Variants in ADGRA1 observed in about 807,000 individuals in gnomAD.
ADGRA1 encodes adhesion G protein-coupled receptor A1, also known as G-protein coupled receptor 123.
ADGRA1 carries 12 observed loss-of-function variants against 21.3 expected under a neutral mutation model. That is an observed-to-expected ratio of 0.56 (90% CI 0.36 to 0.91). The LOEUF is 0.91. Among genes scored for constraint, ADGRA1 ranks in the 40% least tolerant of loss-of-function variants. The pLI, the probability that ADGRA1 is intolerant of heterozygous loss-of-function variation, is 0.01. For missense variants in ADGRA1, 790 were observed against 805.6 expected (o/e 0.98, Z 0.23); for synonymous variants, 385 against 368.8 (o/e 1.04, Z -0.50).
At chr10:133,117,356 G>A (rs771128482) in intron 5 of ADGRA1, among the ~76,000 whole-genome samples, 2 of 152,182 alleles carry the variant, frequency 1.3e-5, no homozygotes, top group Non-Finnish European at 2.9e-5. Context: ...GAGTGCCCGG[G>A]GTGCCCAGCA....
At position 133,128,520 on chromosome 10, in the gene ADGRA1, G is replaced by T. The variant is rs960359661; in HGVS notation, c.692G>T (p.Arg231Leu). ...LATPEGGRGI[R>L]PGTPPAHDAP... The stretch of plus-strand genomic sequence containing the variant: ...ACACCCGAGGGCGGCCGTGGGATCC[G>T]GCCAGGCACCCCACCCGCACACGAT... The change falls in exon 7 of 7, where the codon CGG becomes CTG. Residue 231 changes from arginine (R) to leucine (L), a missense_variant. Arg to Leu is a moderately radical substitution (Grantham distance 102, BLOSUM62 -2). Transcript: ENST00000392607. 1.9e-6 allele frequency: 3 copies of T among 1,547,146 alleles called. No homozygotes were observed. Among genetic ancestry groups the T allele is most frequent in the Middle Eastern group, 1.7e-4 (1 of 5,730 alleles).
At chr10:133,097,544 G>A (rs756897550) in intron 3 of ADGRA1, among the ~76,000 whole-genome samples, 19 of 152,186 alleles carry the variant, frequency 1.2e-4, no homozygotes, top group Admixed American at 5.9e-4. Flanking sequence ...GCGGGGGTTC[G>A]GCTATGTCTG....
chr10:133,120,718 C>T (rs1157908358), intron 5 of ADGRA1, among the ~76,000 whole-genome samples: 1 of 152,248 alleles, frequency 6.6e-6, no homozygotes, highest in African/African-American at 2.4e-5. Flanking sequence ...TTAAAACTTT[C>T]TCCACATCAG....
chr10:133,107,086 A>G (rs145552030), intron 5 of ADGRA1, among the ~76,000 whole-genome samples: 1 of 152,176 alleles, frequency 6.6e-6, no homozygotes, highest in Non-Finnish European at 1.5e-5. Context: ...CAGGGATTTT[A>G]TTCTTTTGAT....
chr10:133,125,912 T>C (rs2135909672), intron 5 of ADGRA1, among the ~76,000 whole-genome samples: 1 of 152,306 alleles, frequency 6.6e-6, no homozygotes, highest in Non-Finnish European at 1.5e-5. Flanking sequence ...CCATCCCCAG[T>C]GCCCTCCACA....
chr10:133,105,321 G>A (rs973472091), intron 5 of ADGRA1, among the ~76,000 whole-genome samples: 5 of 152,158 alleles, frequency 3.3e-5, no homozygotes, highest in African/African-American at 7.2e-5. Flanking sequence ...AGTCTCAGCC[G>A]CCGTGCATGA....
intron 4 of ADGRA1, among the ~76,000 whole-genome samples, chr10:133,101,612 C>A (rs557376118): frequency 1.3e-5 from 2 of 152,352 alleles, no homozygotes; most frequent in East Asian, 3.9e-4. Context: ...AGCCCCACGG[C>A]TGCTTCCTGA....
Position 133,128,384 on chromosome 10 carries a change from A to G in ADGRA1, c.556A>G (p.Ile186Val), listed in dbSNP as rs1296315107. Residue 186 changes from isoleucine to valine, a missense_variant, in exon 7 of 7, where the codon ATC becomes GTC. Coordinates refer to ENST00000392607, the MANE Select transcript of ADGRA1 (RefSeq NM_001083909.3). ...CGCCTTCTACGGCCCAGCCGCCATC[A>G]TCACCCTGGTCACCTGTGTGTACTT... The part of the protein sequence containing the change: ...LGAFYGPAAI[I>V]TLVTCVYFLG... 3 of 1,595,688 alleles carry G rather than the reference A, an allele frequency of 1.9e-6. No individual in the cohort carries two copies. Among genetic ancestry groups the G allele is most frequent in the Non-Finnish European group, 1.7e-6 (2 of 1,172,444 alleles).
intron 6 of ADGRA1, 110 bp downstream of exon 6, chr10:133,127,441 G>A: frequency 1.2e-6 from 1 of 833,374 alleles, no homozygotes; most frequent in Non-Finnish European, 1.9e-6. Context: ...AGCAAGGCCT[G>A]GGCCTGGACC....
chr10:133,106,188 G>A (rs1851890300), intron 5 of ADGRA1, among the ~76,000 whole-genome samples: 1 of 152,222 alleles, frequency 6.6e-6, no homozygotes, highest in Non-Finnish European at 1.5e-5. Context: ...ACCAGGGCAA[G>A]AGCGGTAGGA....
intron 5 of ADGRA1, among the ~76,000 whole-genome samples, chr10:133,119,572 T>C (rs1157586372): frequency 2.0e-5 from 3 of 152,216 alleles, no homozygotes; most frequent in African/African-American, 7.2e-5. Flanking sequence ...TATGAAATAG[T>C]CTCAATCCTT....
chr10:133,123,115 C>T (rs910932286), intron 5 of ADGRA1, among the ~76,000 whole-genome samples: 1 of 152,214 alleles, frequency 6.6e-6, no homozygotes, highest in Non-Finnish European at 1.5e-5. Context: ...TCTGCAGGCT[C>T]GTCCCACCCA....
At chr10:133,092,747 GAGGGAGGAAGGAAGGAAGGAAGGA>G (rs1250661897) in intron 2 of ADGRA1, among the ~76,000 whole-genome samples, 2 of 81,522 alleles carry the variant, frequency 2.5e-5, no homozygotes, top group Non-Finnish European at 5.0e-5. Flanking sequence ...GAGAAATAGG[GAGGGAGGAAGGAAGGAAGGAAGGA>G]AGGAAGGAAG....
chr10:133,099,073 C>T (rs1403776376), intron 4 of ADGRA1, among the ~76,000 whole-genome samples: 6 of 152,044 alleles, frequency 3.9e-5, no homozygotes, highest in South Asian at 2.1e-4. Context: ...GGACACAGCC[C>T]GCCCCTCCCG....
chr10:133,126,235 C>T (rs1852372536), intron 5 of ADGRA1, among the ~76,000 whole-genome samples: 2 of 152,250 alleles, frequency 1.3e-5, no homozygotes, highest in African/African-American at 2.4e-5. Flanking sequence ...GGTCGATACA[C>T]GGAAAATGCT....
intron 5 of ADGRA1, among the ~76,000 whole-genome samples, chr10:133,116,471 C>T (rs1354924121): frequency 2.0e-5 from 3 of 150,638 alleles, no homozygotes; most frequent in East Asian, 2.0e-4. Context: ...GCTACTCCAG[C>T]TCCCTCAGTC....
At chr10:133,124,864 G>A (rs1014729688) in intron 5 of ADGRA1, among the ~76,000 whole-genome samples, 1 of 152,174 alleles carries the variant, frequency 6.6e-6, no homozygotes, top group Non-Finnish European at 1.5e-5. Context: ...CCCCGCGCCT[G>A]CACGTCCACG....
intron 3 of ADGRA1, 81 bp from the exon 4 acceptor site, chr10:133,098,559 C>T (rs946422576): frequency 9.9e-6 from 15 of 1,519,264 alleles, no homozygotes; most frequent in Non-Finnish European, 1.3e-5. Flanking sequence ...GGGGACAGAG[C>T]CTGCGCCCCA....
chr10:133,124,012 C>T (rs1475135486), intron 5 of ADGRA1, among the ~76,000 whole-genome samples: 2 of 152,180 alleles, frequency 1.3e-5, no homozygotes, highest in Non-Finnish European at 2.9e-5. Flanking sequence ...GACATAGGAC[C>T]GAGCTCTTGT....
Sources: gnomAD v4.1 joint callset for allele counts (sites outside exome capture counted in the v4.1 genomes callset) on GRCh38, gnomAD v4.1.1 for gene constraint, MANE v1.5 for transcripts, NCBI Gene and HGNC (gene_info 2026-07-23, HGNC 2026-07-21) for gene names.